Variants in CHM observed in about 807,000 individuals in gnomAD.
CHM encodes the protein rab proteins geranylgeranyltransferase component A 1.
A neutral mutation model predicts 49.0 loss-of-function variants in CHM; 10 were observed. The observed-to-expected ratio is 0.20, with a 90% CI of 0.13 to 0.35. The LOEUF (loss-of-function observed/expected upper bound fraction) is 0.35, where lower values mean the gene tolerates loss of function less well. CHM is among the 10% of genes least tolerant of loss of function. The pLI, the probability that CHM is intolerant of heterozygous loss-of-function variation, is 1.00. For synonymous variants in CHM, 184 were observed against 167.5 expected (o/e 1.10, Z -0.76); for missense variants, 455 against 478.4 (o/e 0.95, Z 0.46).
At chrX:85,867,100 A>G (rs897005650) in intron 14 of CHM, among the ~76,000 whole-genome samples, 3 of 111,551 alleles carry the variant, frequency 2.7e-5, no homozygotes, top group Non-Finnish European at 5.6e-5. Flanking sequence ...GGGCAGAATG[A>G]TATGGTTTGG....
chrX:86,006,991 G>A (rs999985422), intron 2 of CHM, among the ~76,000 whole-genome samples: 6 of 111,474 alleles, frequency 5.4e-5, no homozygotes, highest in East Asian at 2.8e-4. Context: ...GAGGCATCAC[G>A]CTACCTGACT....
intron 4 of CHM, among the ~76,000 whole-genome samples, chrX:85,977,179 C>G (rs190623753): frequency 8.9e-6 from 1 of 111,983 alleles, no homozygotes; most frequent in African/African-American, 3.2e-5. Flanking sequence ...ATTTTCTGTA[C>G]TTTCTCTACT....
intron 12 of CHM, among the ~76,000 whole-genome samples, chrX:85,893,135 T>TA (rs1376148952): frequency 9.0e-6 from 1 of 111,731 alleles, no homozygotes; most frequent in Non-Finnish European, 1.9e-5. Flanking sequence ...ACTTGGTTAA[T>TA]AAATAGTCTT....
At chrX:85,993,839 T>C (rs1932321528) in intron 2 of CHM, among the ~76,000 whole-genome samples, 1 of 111,499 alleles carries the variant, frequency 9.0e-6, no homozygotes, top group South Asian at 3.8e-4. Flanking sequence ...ATGGAACTAG[T>C]AAAAAAAGAC....
At chrX:85,955,006 A>C (rs1929939845) in intron 8 of CHM, among the ~76,000 whole-genome samples, 1 of 111,454 alleles carries the variant, frequency 9.0e-6, no homozygotes, top group South Asian at 3.8e-4. Flanking sequence ...AAAGACAAAC[A>C]ATGCATATCC....
At chrX:85,934,658 C>A (rs1027042948) in intron 8 of CHM, among the ~76,000 whole-genome samples, 1 of 110,318 alleles carries the variant, frequency 9.1e-6, no homozygotes, top group South Asian at 3.9e-4. Flanking sequence ...TGTATATGTG[C>A]CACATTTCCT....
intron 9 of CHM, among the ~76,000 whole-genome samples, chrX:85,910,085 G>A (rs188307936): frequency 4.4e-4 from 49 of 111,449 alleles, no homozygotes; most frequent in South Asian, 2.2e-3. Context: ...TTTAAAATAC[G>A]TATCAATGTT....
intron 8 of CHM, among the ~76,000 whole-genome samples, chrX:85,930,914 G>A (rs987994412): frequency 5.4e-5 from 6 of 111,438 alleles, no homozygotes; most frequent in South Asian, 3.7e-4. Context: ...ACAGAAGAGC[G>A]AAAAAAGCCT....
At chrX:86,000,068 G>A (rs1008483471) in intron 2 of CHM, among the ~76,000 whole-genome samples, 1 of 110,695 alleles carries the variant, frequency 9.0e-6, no homozygotes, top group Non-Finnish European at 1.9e-5. Flanking sequence ...TGTAATACAC[G>A]CACATAAAAA....
intron 2 of CHM, among the ~76,000 whole-genome samples, chrX:86,018,641 C>T (rs1933406972): frequency 8.9e-6 from 1 of 112,080 alleles, no homozygotes; most frequent in Non-Finnish European, 1.9e-5. Context: ...ACTCCAGGTA[C>T]CCTTCAACAG....
intron 8 of CHM, among the ~76,000 whole-genome samples, chrX:85,936,702 A>G (rs1247567223): frequency 8.9e-6 from 1 of 112,307 alleles, no homozygotes; most frequent in Non-Finnish European, 1.9e-5. Context: ...AATTTATACC[A>G]ATCACATTAA....
At chrX:86,006,403 T>C (rs2147757812) in intron 2 of CHM, among the ~76,000 whole-genome samples, 1 of 111,984 alleles carries the variant, frequency 8.9e-6, no homozygotes, top group Admixed American at 9.5e-5. Context: ...GTGCTGGATG[T>C]TCTGGTCAGG....
chrX:85,931,929 C>T (rs936304707), intron 8 of CHM, among the ~76,000 whole-genome samples: 1 of 112,464 alleles, frequency 8.9e-6, no homozygotes, highest in Non-Finnish European at 1.9e-5. Flanking sequence ...TTGTGCTTTG[C>T]TGCTTTCAGT....
At chrX:85,900,204 C>G (rs1045938054) in intron 11 of CHM, among the ~76,000 whole-genome samples, 7 of 111,453 alleles carry the variant, frequency 6.3e-5, no homozygotes, top group Non-Finnish European at 1.3e-4. Context: ...GAAAGTCCTA[C>G]CATTTGCAAC....
intron 4 of CHM, among the ~76,000 whole-genome samples, chrX:85,976,909 CACACAG>C (rs1931307992): frequency 9.9e-6 from 1 of 101,160 alleles, no homozygotes; most frequent in Non-Finnish European, 2.1e-5. Context: ...CACACACACA[CACACAG>C]AAAGAAAATG....
intron 2 of CHM, among the ~76,000 whole-genome samples, chrX:85,985,605 CTCA>C (rs1435902754): frequency 4.5e-5 from 5 of 112,077 alleles, no homozygotes; most frequent in Non-Finnish European, 7.5e-5. Context: ...CCCATTCCTC[CTCA>C]TGAGGCAGGA....
At chrX:85,976,869 C>CACACAA (rs202120190) in intron 4 of CHM, among the ~76,000 whole-genome samples, 1 of 68,381 alleles carries the variant, frequency 1.5e-5, no homozygotes, top group African/African-American at 5.0e-5. Context: ...GGGGAAAACA[C>CACACAA]ACACAAACAC....
Position 85,896,604 on chromosome X carries a change from T to C in CHM, c.1414-2320A>G, listed in dbSNP as rs1029625436. Among the ~76,000 whole-genome samples, 26 of 108,855 alleles carry C rather than the reference T, an allele frequency of 2.4e-4. 1 individual carries two copies. The highest frequency in any genetic ancestry group is 1.9e-5 in the Non-Finnish European group (1 of 52,633). 94.5% of individuals were successfully genotyped at this position (108,855 alleles called of 115,157 possible). On this transcript the variant is annotated intron_variant, in intron 11 of 14. Transcript: ENST00000357749. ...CAGAAGTGTCTGTCACCAAGATTTATGCAGAATTGATATCATGAGACTACA... is the reference window on the plus strand; with the variant it reads ...CAGAAGTGTCTGTCACCAAGATTTACGCAGAATTGATATCATGAGACTACA...
At chrX:85,878,877 C>G (rs1396794371) in intron 13 of CHM, 88 bp downstream of exon 13, 1 of 641,854 alleles carries the variant, frequency 1.6e-6, no homozygotes. Flanking sequence ...CATTTCAGTT[C>G]AGGTTGCAGA....
Sources: allele counts gnomAD v4.1 joint callset (sites outside exome capture counted in the v4.1 genomes callset), GRCh38; gene constraint gnomAD v4.1.1; transcripts MANE v1.5; gene names NCBI Gene and HGNC (gene_info 2026-07-23, HGNC 2026-07-21).